Variants in SH3GL2 observed in about 807,000 individuals in gnomAD.
The protein encoded by SH3GL2 is endophilin-A1.
SH3GL2 carries 24 observed loss-of-function variants against 46.0 expected under a neutral mutation model. The ratio of observed to expected loss-of-function variants is 0.52; its 90% CI spans 0.38 to 0.73. The LOEUF (loss-of-function observed/expected upper bound fraction) is 0.73. SH3GL2 is among the 30% of genes least tolerant of loss of function. The probability of loss-of-function intolerance (pLI) is 0.00; values close to 1 mark genes in which losing one functional copy is unlikely to be tolerated. For missense variants in SH3GL2, 413 were observed against 424.2 expected (o/e 0.97, Z 0.23); for synonymous variants, 196 against 147.1 (o/e 1.33, Z -2.40).
rs538105813 is a variant in SH3GL2, at chr9:17,755,784, G to C, written c.115-5653G>C. 16 of 985,146 alleles carry C rather than the reference G, an allele frequency of 1.6e-5. No individual in the cohort carries two copies. In the Admixed American group the frequency reaches 6.8e-4, roughly 42 times the overall value. The allele number at this position is 985,146 out of a possible 1,614,324, so 61.0% of individuals were successfully genotyped here. A position where few individuals can be genotyped will look rare whatever the true frequency, so the allele number is the denominator to read the frequency against. ...ACAAACAACGCCACGCTGTTCACGAGTCCTTACACCTAAGTTCAGGAAATA... is the reference window on the plus strand; with the variant it reads ...ACAAACAACGCCACGCTGTTCACGACTCCTTACACCTAAGTTCAGGAAATA... On this transcript the variant is annotated intron_variant, in intron 2 of 8. Coordinates refer to ENST00000380607, the MANE Select transcript of SH3GL2 (RefSeq NM_003026.5).
intron 2 of SH3GL2, among the ~76,000 whole-genome samples, chr9:17,759,654 T>G (rs76437113): frequency 0.013 from 1,941 of 152,264 alleles, 39 homozygotes; most frequent in African/African-American, 0.045. Context: ...GAAGACAGCT[T>G]ATGGTGATGA....
intron 1 of SH3GL2, among the ~76,000 whole-genome samples, chr9:17,743,569 A>AAAACACACACACACACACAC (rs1822592480): frequency 1.4e-5 from 2 of 143,588 alleles, no homozygotes; most frequent in Non-Finnish European, 3.0e-5. Context: ...CTCTTTTGTG[A>AAAACACACACACACACACAC]ACACACACAC....
intron 1 of SH3GL2, among the ~76,000 whole-genome samples, chr9:17,611,222 T>C (rs1422606843): frequency 2.0e-5 from 3 of 152,228 alleles, no homozygotes; most frequent in Admixed American, 1.3e-4. Flanking sequence ...TAGGGAAATA[T>C]ACAGGTTGAA....
At chr9:17,687,822 C>G (rs1413485876) in intron 1 of SH3GL2, among the ~76,000 whole-genome samples, 1 of 151,998 alleles carries the variant, frequency 6.6e-6, no homozygotes, top group Non-Finnish European at 1.5e-5. Context: ...GGGAAAGGGT[C>G]TCAAAGACCA....
intron 3 of SH3GL2, among the ~76,000 whole-genome samples, chr9:17,770,277 A>G (rs1379167379): frequency 1.3e-5 from 2 of 152,226 alleles, no homozygotes; most frequent in South Asian, 2.1e-4. Context: ...CTATTTTTGA[A>G]TGAGAAAACT....
At chr9:17,759,767 T>G (rs1051505916) in intron 2 of SH3GL2, among the ~76,000 whole-genome samples, 7 of 152,166 alleles carry the variant, frequency 4.6e-5, no homozygotes, top group African/African-American at 1.4e-4. Context: ...GAAAATTTAA[T>G]TCCTATGGCA....
At chr9:17,656,748 G>A (rs79180543) in intron 1 of SH3GL2, among the ~76,000 whole-genome samples, 9,231 of 136,258 alleles carry the variant, frequency 0.068, 471 homozygotes, top group Admixed American at 0.18. Context: ...GCAAGCCTGG[G>A]CGACAGAGTG....
intron 1 of SH3GL2, among the ~76,000 whole-genome samples, chr9:17,646,462 T>G (rs1371227569): frequency 6.6e-6 from 1 of 152,104 alleles, no homozygotes; most frequent in Non-Finnish European, 1.5e-5. Flanking sequence ...GCGTTCTGGT[T>G]TTTGGACTTT....
At chr9:17,645,151 C>CTTTTTTTTTTTTTTTTTTTTTTTTT (rs57611978) in intron 1 of SH3GL2, among the ~76,000 whole-genome samples, 4 of 68,778 alleles carry the variant, frequency 5.8e-5, no homozygotes, top group East Asian at 3.5e-4. Flanking sequence ...GCAAACGCTG[C>CTTTTTTTTTTTTTTTTTTTTTTTTT]TTTTTTTTTT....
intron 1 of SH3GL2, among the ~76,000 whole-genome samples, chr9:17,619,993 A>G (rs1425518561): frequency 6.6e-6 from 1 of 152,204 alleles, no homozygotes; most frequent in African/African-American, 2.4e-5. Context: ...TTTTCTGAGA[A>G]AATCAGACAG....
intron 1 of SH3GL2, among the ~76,000 whole-genome samples, chr9:17,705,471 G>A (rs1432716608): frequency 6.7e-6 from 1 of 150,200 alleles, no homozygotes; most frequent in Non-Finnish European, 1.5e-5. Flanking sequence ...ATTCACAGTA[G>A]TAAAGACATA....
chr9:17,633,208 C>A (rs914764909), intron 1 of SH3GL2, among the ~76,000 whole-genome samples: 2 of 152,036 alleles, frequency 1.3e-5, no homozygotes, highest in African/African-American at 4.8e-5. Flanking sequence ...ATTTCACAAC[C>A]ATGTGGGAAT....
At chr9:17,712,753 T>C (rs1020285283) in intron 1 of SH3GL2, among the ~76,000 whole-genome samples, 1 of 151,804 alleles carries the variant, frequency 6.6e-6, no homozygotes, top group Non-Finnish European at 1.5e-5. Context: ...GTTTTGTCCA[T>C]CTATGTCCTT....
intron 1 of SH3GL2, among the ~76,000 whole-genome samples, chr9:17,624,027 G>A (rs879839327): frequency 6.6e-5 from 10 of 152,092 alleles, no homozygotes; most frequent in South Asian, 4.2e-4. Context: ...TCATTCGTTC[G>A]TTTCTTTTAA....
chr9:17,641,718 G>C (rs565379672), intron 1 of SH3GL2, among the ~76,000 whole-genome samples: 2 of 152,214 alleles, frequency 1.3e-5, no homozygotes, highest in East Asian at 1.9e-4. Flanking sequence ...CTGTGAGTTT[G>C]CTGAGAATGA....
chr9:17,779,422 A>T (rs542673648), intron 3 of SH3GL2, among the ~76,000 whole-genome samples: 2 of 152,056 alleles, frequency 1.3e-5, no homozygotes, highest in East Asian at 1.9e-4. Flanking sequence ...CCTGAATCCA[A>T]TCTTTTCCTG....
intron 6 of SH3GL2, chr9:17,790,246 G>A (rs920242097): frequency 6.3e-6 from 1 of 159,460 alleles, no homozygotes; most frequent in Admixed American, 6.5e-5. Flanking sequence ...GGGAAGGGCA[G>A]CTCTTCCTTT....
chr9:17,796,048 C>T lies in SH3GL2; in HGVS notation c.*305C>T. 3.2e-6 allele frequency: 1 copy of T among 310,436 alleles called. No homozygotes were observed. Among genetic ancestry groups the T allele is most frequent in the Non-Finnish European group, 6.0e-6 (1 of 166,446 alleles). 19.2% of individuals were successfully genotyped at this position (310,436 alleles called of 1,614,324 possible). A position where few individuals can be genotyped will look rare whatever the true frequency, so the allele number is the denominator to read the frequency against. On this transcript the variant is annotated 3_prime_UTR_variant, in exon 9 of 9. Transcript: ENST00000380607. ...GGTTTCTTAGAATATGACCATGAGC[C>T]ATTTCACAGAAAAACCATCCCACCG... is the stretch of plus-strand genomic sequence containing the variant.
intron 1 of SH3GL2, among the ~76,000 whole-genome samples, chr9:17,718,745 C>T (rs1047233151): frequency 6.6e-6 from 1 of 152,092 alleles, no homozygotes; most frequent in Admixed American, 6.5e-5. Flanking sequence ...AAAATGCTAA[C>T]TCCCAGGCCC....
Sources: gnomAD v4.1 joint callset for allele counts (sites outside exome capture counted in the v4.1 genomes callset) on GRCh38, gnomAD v4.1.1 for gene constraint, MANE v1.5 for transcripts, NCBI Gene and HGNC (gene_info 2026-07-23, HGNC 2026-07-21) for gene names.